The following SGF29 variants were observed in gnomAD, a reference collection of about 807,000 sequenced individuals.
SGF29 encodes the protein SAGA-associated factor 29.
A neutral mutation model predicts 38.1 loss-of-function variants in SGF29; 15 were observed. The observed-to-expected ratio is 0.39, with a 90% confidence interval of 0.26 to 0.61. The LOEUF (loss-of-function observed/expected upper bound fraction) is 0.61. Ranked by LOEUF, SGF29 falls within the 20% of genes least tolerant of loss-of-function variation. SGF29 has a pLI of 0.49. For synonymous variants in SGF29, 151 were observed against 160.8 expected, an observed-to-expected ratio of 0.94 and a Z score of 0.46; for missense variants, 184 against 394.6, an observed-to-expected ratio of 0.47 and a Z score of 4.52.
At chr16:28,584,420 C>T (rs1406092731) in intron 2 of SGF29, among the ~76,000 whole-genome samples, 1 of 151,710 alleles carries the variant, frequency 6.6e-6, no homozygotes, top group Non-Finnish European at 1.5e-5. Context: ...TTTGGGAAAC[C>T]GAGGCAGGTG....
Position 28,570,601 on chromosome 16 carries a change from G to A in SGF29, c.-15-10454G>A, listed in dbSNP as rs2046859427. On this transcript the variant is annotated intron_variant, in intron 1 of 9. Coordinates refer to ENST00000317058, the MANE Select transcript of SGF29 (RefSeq NM_138414.3). ...ATTTATTTATTTATTTAGCGAGAGA[G>A]TGAGCCTCACTCTGTCACCCAGGCT... Among the ~76,000 whole-genome samples, 5 of 150,628 alleles carry A rather than the reference G, an allele frequency of 3.3e-5. No homozygotes were observed. The Admixed American group carries it at 3.3e-4, about 10-fold the overall frequency.
chr16:28,557,625 C>T (rs902433711), intron 1 of SGF29, among the ~76,000 whole-genome samples: 1 of 152,152 alleles, frequency 6.6e-6, no homozygotes, highest in South Asian at 2.1e-4. Context: ...TTGTGACTGG[C>T]ATTGAGAATT....
intron 1 of SGF29, among the ~76,000 whole-genome samples, chr16:28,564,537 A>ATG (rs1555474731): frequency 9.3e-6 from 1 of 107,410 alleles, no homozygotes; most frequent in African/African-American, 3.4e-5. Context: ...GTATATATAT[A>ATG]TGTATATATA....
At chr16:28,582,251 C>T (rs537049184) in intron 2 of SGF29, among the ~76,000 whole-genome samples, 3 of 152,012 alleles carry the variant, frequency 2.0e-5, no homozygotes, top group Admixed American at 6.5e-5. Flanking sequence ...CAACTGTAAA[C>T]GAAAAGCAAA....
intron 4 of SGF29, among the ~76,000 whole-genome samples, chr16:28,588,862 C>T (rs1286992859): frequency 7.0e-6 from 1 of 143,244 alleles, no homozygotes; most frequent in Non-Finnish European, 1.6e-5. Flanking sequence ...TGAACCACCA[C>T]ACCCGGGCAG....
At chr16:28,559,382 TTTG>T (rs143405210) in intron 1 of SGF29, among the ~76,000 whole-genome samples, 46,870 of 151,772 alleles carry the variant, frequency 0.31, 8,031 homozygotes, top group Non-Finnish European at 0.37. Context: ...TTAAGCTGTT[TTTG>T]TTGTTGTTGT....
At chr16:28,564,755 GTATATATGTATATATATGTA>G (rs758971742) in intron 1 of SGF29, among the ~76,000 whole-genome samples, 3,253 of 86,628 alleles carry the variant, frequency 0.038, 199 homozygotes, top group East Asian at 0.098. Flanking sequence ...GTATATATAT[GTATATATGTATATATATGTA>G]TATATATATA....
At chr16:28,554,175 G>A (rs1206788717) in intron 1 of SGF29, 78 bp downstream of exon 1, 2 of 152,128 alleles carry the variant, frequency 1.3e-5, no homozygotes, top group Non-Finnish European at 2.9e-5. Flanking sequence ...TCCGCGCCGC[G>A]GCTCCCGACC....
At chr16:28,572,967 C>T (rs539679846) in intron 1 of SGF29, among the ~76,000 whole-genome samples, 13 of 152,098 alleles carry the variant, frequency 8.5e-5, no homozygotes, top group Non-Finnish European at 1.8e-4. Context: ...CGCTGGCCTC[C>T]CAGCTGTACT....
intron 1 of SGF29, among the ~76,000 whole-genome samples, chr16:28,578,808 G>C (rs1055924905): frequency 2.0e-5 from 3 of 152,092 alleles, no homozygotes; most frequent in Non-Finnish European, 4.4e-5. Flanking sequence ...CAGGCAAGGT[G>C]GCGGGTGCCT....
At chr16:28,576,047 AT>A (rs1228491793) in intron 1 of SGF29, among the ~76,000 whole-genome samples, 1 of 152,220 alleles carries the variant, frequency 6.6e-6, no homozygotes, top group Non-Finnish European at 1.5e-5. Flanking sequence ...GGGAATGCAC[AT>A]TGCAGGTGGG....
chr16:28,589,061 G>A (rs552264306), intron 4 of SGF29, 39 bp from the exon 5 acceptor site: 41 of 1,611,162 alleles, frequency 2.5e-5, no homozygotes, highest in Admixed American at 8.3e-5. Flanking sequence ...TGCTATGTAC[G>A]TTAACCAAAC....
At position 28,591,657 on chromosome 16, in the gene SGF29, A is replaced by C. The variant is rs144681292; in HGVS notation, c.833A>C (p.Asn278Thr). 2 of 1,613,956 alleles carry C rather than the reference A, an allele frequency of 1.2e-6. No individual in the cohort carries two copies. Among genetic ancestry groups the C allele is most frequent in the Non-Finnish European group, 1.7e-6 (2 of 1,179,886 alleles). ...SYADGYSPPL[N>T]VAQRYVVACK... ...GCAGATGGCTATTCCCCTCCCCTCA[A>C]TGTGGCTCAGAGATACGTGGTGGCT... The change falls in exon 10 of 10, where the codon AAT becomes ACT. Residue 278 changes from asparagine (N) to threonine (T), a missense_variant. Asn to Thr is a moderately conservative substitution (Grantham distance 65, BLOSUM62 0). This residue lies in a region of SGF29 where 107 missense variants were observed against 276.9 expected (regional missense o/e 0.39). Coordinates refer to ENST00000317058, the MANE Select transcript of SGF29 (RefSeq NM_138414.3).
chr16:28,585,899 C>A (rs2046953915), intron 4 of SGF29, among the ~76,000 whole-genome samples, 179 bp downstream of exon 4: 1 of 152,214 alleles, frequency 6.6e-6, no homozygotes, highest in Non-Finnish European at 1.5e-5. Flanking sequence ...CTTCCAGTTA[C>A]CTCTGCTGCT....
At chr16:28,559,243 C>T (rs2046771204) in intron 1 of SGF29, among the ~76,000 whole-genome samples, 1 of 152,054 alleles carries the variant, frequency 6.6e-6, no homozygotes, top group Non-Finnish European at 1.5e-5. Flanking sequence ...TTGACTGAGC[C>T]AAAGAAGTCA....
At chr16:28,589,387 C>T (rs754759405) in intron 5 of SGF29, 36 of 534,218 alleles carry the variant, frequency 6.7e-5, no homozygotes, top group African/African-American at 2.1e-4. Context: ...GAGATCATCC[C>T]GCCCTGGCCC....
At chr16:28,588,970 T>A (rs2046970966) in intron 4 of SGF29, 130 bp from the exon 5 acceptor site, 1 of 896,666 alleles carries the variant, frequency 1.1e-6, no homozygotes, top group Non-Finnish European at 1.8e-6. Flanking sequence ...CGCAGGAGGC[T>A]ACTGTGAGAA....
chr16:28,583,415 A>G (rs1255844382), intron 2 of SGF29, among the ~76,000 whole-genome samples: 2 of 152,168 alleles, frequency 1.3e-5, no homozygotes, highest in East Asian at 1.9e-4. Flanking sequence ...TCCCATTTAT[A>G]TAGGGTGGGG....
Position 28,590,404 on chromosome 16 carries a change from C to A in SGF29, c.528C>A (p.Ile176=), listed in dbSNP as rs147335263. The change falls in exon 7 of 10, where the codon ATC becomes ATA. Residue 176 remains isoleucine (I), a synonymous_variant. Transcript: ENST00000317058. The surrounding 1 kb of genome is among the most constrained non-coding windows in gnomAD (Gnocchi z 8.2). ...VKAVDGDEQW[I]LAEVVSYSHA... is the part of the protein sequence containing the mutation. ...CCGTGGATGGGGACGAGCAGTGGAT[C>A]CTGGCCGAGGTGGTCAGTTACAGCC... 3,222 of 1,613,904 alleles carry A rather than the reference C, an allele frequency of 2.0e-3. 6 individuals carry two copies. The highest frequency in any genetic ancestry group is 2.6e-3 in the Non-Finnish European group (3,049 of 1,179,840).
Sources: allele counts gnomAD v4.1 joint callset (sites outside exome capture counted in the v4.1 genomes callset), GRCh38; gene constraint gnomAD v4.1.1; regional missense constraint gnomAD v4.1.1; non-coding constraint Gnocchi (gnomAD v3.1); transcripts MANE v1.5; gene names NCBI Gene and HGNC (gene_info 2026-07-23, HGNC 2026-07-21).